LRRIQ1: variants seen among roughly 807,000 people sequenced by gnomAD.
The protein encoded by LRRIQ1 is leucine rich repeats and IQ motif containing 1, also known as leucine-rich repeat- and IQ domain-containing protein 1.
A neutral mutation model predicts 211.9 loss-of-function variants in LRRIQ1; 210 were observed. The ratio of observed to expected loss-of-function variants is 0.99; its 90% CI spans 0.89 to 1.11. LRRIQ1 has a LOEUF of 1.11. Ranked by LOEUF, LRRIQ1 falls within the 50% of genes most tolerant of loss-of-function variation. The pLI, the probability that LRRIQ1 is intolerant of heterozygous loss-of-function variation, is 0.00. For synonymous variants in LRRIQ1, 699 were observed against 650.1 expected, an observed-to-expected ratio of 1.08 and a Z score of -1.14; for missense variants, 2,136 against 1,939.5, an observed-to-expected ratio of 1.10 and a Z score of -1.90.
chr12:85,141,577 A>G (rs1202359201), intron 19 of LRRIQ1, among the ~76,000 whole-genome samples: 2 of 115,712 alleles, frequency 1.7e-5, no homozygotes, highest in East Asian at 4.6e-4. Context: ...TACCTACAGC[A>G]GCTTTTTTTT....
chr12:85,040,504 AC>A lies in LRRIQ1; in HGVS notation c.149del (p.Pro50GlnfsTer11). ...CAAATTTTTAGGATTCAGTTGAATT[AC>A]CAGAATCAGTTCTTCACTGTATTAA... ...DDSDTDSVEL[P>X]ESVLHCINII... On this transcript the variant is annotated frameshift_variant, in exon 3 of 27. Coordinates refer to ENST00000393217, the MANE Select transcript of LRRIQ1 (RefSeq NM_001079910.2). LOFTEE classifies it high-confidence loss of function. 1 of 1,545,330 alleles carries A rather than the reference AC, an allele frequency of 6.5e-7. No individual in the cohort carries two copies. Among genetic ancestry groups the A allele is most frequent in the Non-Finnish European group, 8.7e-7 (1 of 1,145,464 alleles).
chr12:85,052,440 C>A (rs1880448480), intron 7 of LRRIQ1, among the ~76,000 whole-genome samples, 189 bp downstream of exon 7: 1 of 151,994 alleles, frequency 6.6e-6, no homozygotes, highest in Non-Finnish European at 1.5e-5. Flanking sequence ...TGAGAGTTAG[C>A]TGGTTTGGTG....
At chr12:85,112,723 T>C (rs777760254) in intron 15 of LRRIQ1, among the ~76,000 whole-genome samples, 3 of 152,034 alleles carry the variant, frequency 2.0e-5, no homozygotes, top group Non-Finnish European at 4.4e-5. Flanking sequence ...CTCATTCAGA[T>C]GCGATTTCAG....
chr12:85,163,779 G>A (rs1194745747), intron 24 of LRRIQ1, among the ~76,000 whole-genome samples: 3 of 151,790 alleles, frequency 2.0e-5, no homozygotes, highest in Non-Finnish European at 2.9e-5. Flanking sequence ...AAAAATATAA[G>A]GTAAAATATT....
At chr12:85,230,951 G>A (rs945310765) in intron 25 of LRRIQ1, among the ~76,000 whole-genome samples, 22 of 152,180 alleles carry the variant, frequency 1.4e-4, no homozygotes, top group Admixed American at 3.9e-4. Flanking sequence ...CGGAGGCTGA[G>A]GCAGGAGAAT....
intron 21 of LRRIQ1, 68 bp downstream of exon 21, chr12:85,153,213 T>A: frequency 7.4e-7 from 1 of 1,345,266 alleles, no homozygotes. Flanking sequence ...CATACAAAAG[T>A]AGTACAATTA....
exon 2 of LRRIQ1, chr12:85,263,538 A>G (rs953181998): frequency 4.0e-5 from 6 of 151,894 alleles, no homozygotes; most frequent in African/African-American, 1.4e-4. Context: ...AACAGTGACA[A>G]AGGCCTTTAT....
intron 8 of LRRIQ1, among the ~76,000 whole-genome samples, chr12:85,062,924 G>T (rs564349475): frequency 1.3e-3 from 195 of 151,794 alleles, no homozygotes; most frequent in Non-Finnish European, 2.2e-3. Context: ...TCTCATTGTG[G>T]TTTTTATTTG....
At chr12:85,237,741 G>A (rs1057347050) in intron 26 of LRRIQ1, among the ~76,000 whole-genome samples, 6 of 151,980 alleles carry the variant, frequency 3.9e-5, no homozygotes, top group Non-Finnish European at 7.4e-5. Context: ...ATAAATGTAA[G>A]CCTCAAAAAG....
chr12:85,270,832 AC>A, the LRRIQ1 span, among the ~76,000 whole-genome samples: 6 of 152,288 alleles, frequency 3.9e-5, no homozygotes, highest in African/African-American at 1.4e-4. Context: ...TCAGCATCCC[AC>A]AGCCAGCGAG....
At chr12:85,191,319 T>C (rs1016378312) in intron 24 of LRRIQ1, among the ~76,000 whole-genome samples, 1 of 152,002 alleles carries the variant, frequency 6.6e-6, no homozygotes, top group African/African-American at 2.4e-5. Context: ...GTTTTATCTA[T>C]AAGCATCCTT....
intron 14 of LRRIQ1, among the ~76,000 whole-genome samples, chr12:85,105,450 T>C (rs898797686): frequency 6.6e-6 from 1 of 152,132 alleles, no homozygotes; most frequent in African/African-American, 2.4e-5. Context: ...CCTTTTTTTT[T>C]CATAATCGAA....
At chr12:85,091,039 G>A (rs1390525639) in intron 11 of LRRIQ1, among the ~76,000 whole-genome samples, 1 of 152,094 alleles carries the variant, frequency 6.6e-6, no homozygotes, top group Non-Finnish European at 1.5e-5. Flanking sequence ...ATGAGATCTG[G>A]TGGTTTAAAA....
At chr12:85,226,899 G>A (rs979917594) in intron 24 of LRRIQ1, among the ~76,000 whole-genome samples, 2 of 151,912 alleles carry the variant, frequency 1.3e-5, no homozygotes, top group African/African-American at 2.4e-5. Flanking sequence ...TGGTGTATAT[G>A]TGCCACATTT....
intron 24 of LRRIQ1, among the ~76,000 whole-genome samples, chr12:85,212,786 A>G (rs1893898036): frequency 8.2e-6 from 1 of 122,012 alleles, no homozygotes; most frequent in Non-Finnish European, 1.5e-5. Flanking sequence ...TTATATATAT[A>G]TAGAGAGAGA....
chr12:85,060,402 A>G (rs949778836), intron 8 of LRRIQ1, among the ~76,000 whole-genome samples: 1 of 151,764 alleles, frequency 6.6e-6, no homozygotes, highest in Non-Finnish European at 1.5e-5. Context: ...TATTTTTGGC[A>G]TTTTGCTACT....
chr12:85,211,690 C>G (rs1893845148), intron 24 of LRRIQ1, among the ~76,000 whole-genome samples: 1 of 152,044 alleles, frequency 6.6e-6, no homozygotes, highest in Non-Finnish European at 1.5e-5. Flanking sequence ...ATGTATTATT[C>G]CTATTTCACA....
chr12:85,220,784 T>TCCCTCCC (rs1422033378), intron 24 of LRRIQ1, among the ~76,000 whole-genome samples: 2 of 137,904 alleles, frequency 1.5e-5, no homozygotes, highest in Admixed American at 7.5e-5. Context: ...CCTAATGCTA[T>TCCCTCCC]CCCTCCCCCC....
intron 24 of LRRIQ1, among the ~76,000 whole-genome samples, chr12:85,192,358 G>A (rs1187747137): frequency 7.2e-6 from 1 of 138,354 alleles, no homozygotes; most frequent in East Asian, 2.1e-4. Flanking sequence ...TTATGGCTCT[G>A]TACTCTTCCG....
Sources: gnomAD v4.1 joint callset for allele counts (sites outside exome capture counted in the v4.1 genomes callset) on GRCh38, gnomAD v4.1.1 for gene constraint, MANE v1.5 for transcripts, NCBI Gene and HGNC (gene_info 2026-07-23, HGNC 2026-07-21) for gene names.